Variants in NUBPL observed in about 807,000 individuals in gnomAD.
NUBPL encodes the protein iron-sulfur cluster transfer protein NUBPL.
A neutral mutation model predicts 45.7 loss-of-function variants in NUBPL; 31 were observed. That is an observed-to-expected ratio of 0.68 (90% CI 0.51 to 0.92). The LOEUF (loss-of-function observed/expected upper bound fraction) is 0.92. NUBPL is among the 40% of genes least tolerant of loss of function. The pLI is 0.00. For missense variants in NUBPL, 401 were observed against 398.7 expected, an observed-to-expected ratio of 1.01 and a Z score of -0.05; for synonymous variants, 144 against 140.9, an observed-to-expected ratio of 1.02 and a Z score of -0.15.
intron 6 of NUBPL, among the ~76,000 whole-genome samples, chr14:31,783,544 G>A (rs2039230706): frequency 7.4e-6 from 1 of 136,052 alleles, no homozygotes; most frequent in Non-Finnish European, 1.5e-5. Flanking sequence ...CTCTGAGACA[G>A]AGTCTTGCTG....
chr14:31,673,259 A>G lies in NUBPL; in HGVS notation c.383-96A>G, dbSNP rs1566491996. The G allele has an allele frequency of 1.8e-5, 19 of 1,057,574 alleles. No individual in the cohort carries two copies. In the East Asian group the frequency reaches 4.9e-4, roughly 27 times the overall value. The allele number at this position is 1,057,574 out of a possible 1,614,324, so 65.5% of individuals were successfully genotyped here. A position where few individuals can be genotyped will look rare whatever the true frequency, so the allele number is the denominator to read the frequency against. ...TAAACATATGCAATTTTTGTTAATT[A>G]AAAAAATTTTTAAAAAGATGAAAAA... On this transcript the variant is annotated intron_variant, in intron 4 of 10. Transcript: ENST00000281081.
chr14:31,722,090 G>A (rs1328006257), intron 6 of NUBPL, among the ~76,000 whole-genome samples: 1 of 152,116 alleles, frequency 6.6e-6, no homozygotes, highest in Non-Finnish European at 1.5e-5. Flanking sequence ...TCCACCTCCT[G>A]GGTTCACGCC....
intron 7 of NUBPL, among the ~76,000 whole-genome samples, chr14:31,806,863 C>T (rs879158115): frequency 1.3e-5 from 2 of 152,308 alleles, no homozygotes; most frequent in South Asian, 4.1e-4. Context: ...TCAGTGAGAA[C>T]ATGCAGTGTT....
chr14:31,711,218 C>A (rs145190405), intron 6 of NUBPL, among the ~76,000 whole-genome samples: 1 of 152,106 alleles, frequency 6.6e-6, no homozygotes, highest in Admixed American at 6.5e-5. Context: ...ACCCTTGGCT[C>A]GGCCCAGAAG....
intron 4 of NUBPL, among the ~76,000 whole-genome samples, chr14:31,619,439 C>T (rs1172789924): frequency 1.3e-5 from 2 of 152,132 alleles, no homozygotes; most frequent in African/African-American, 4.8e-5. Context: ...TTCCTTTCCA[C>T]GTTTTGTGCT....
At chr14:31,798,396 T>C (rs2039509860) in intron 7 of NUBPL, among the ~76,000 whole-genome samples, 1 of 150,356 alleles carries the variant, frequency 6.7e-6, no homozygotes, top group Non-Finnish European at 1.5e-5. Flanking sequence ...TGTGGGATAG[T>C]AGTGTGCATG....
chr14:31,689,353 A>G (rs2037040556), intron 6 of NUBPL, among the ~76,000 whole-genome samples: 1 of 152,152 alleles, frequency 6.6e-6, no homozygotes, highest in Non-Finnish European at 1.5e-5. Context: ...ACATTTTAAT[A>G]ATAGCCATTC....
At position 31,761,715 on chromosome 14, in the gene NUBPL, T is replaced by G. The variant is rs151319204; in HGVS notation, c.514-26065T>G. 2.4e-3 allele frequency among the ~76,000 whole-genome samples: 362 copies of G among 152,312 alleles called. 2 individuals are homozygous for G. Among genetic ancestry groups the G allele is most frequent in the African/African-American group, 8.6e-3 (356 of 41,584 alleles). On this transcript the variant is annotated intron_variant, in intron 6 of 10. Coordinates refer to ENST00000281081, the MANE Select transcript of NUBPL (RefSeq NM_025152.3). ...TGTTTATTGGCTTACTAGTATTTCG[T>G]AGTATTGAGTGACAGTAATTTACTT...
At chr14:31,657,982 G>T (rs1232189968) in intron 4 of NUBPL, among the ~76,000 whole-genome samples, 2 of 152,150 alleles carry the variant, frequency 1.3e-5, no homozygotes, top group Non-Finnish European at 2.9e-5. Context: ...TAAACAGAAA[G>T]ATTGAGAATA....
intron 4 of NUBPL, among the ~76,000 whole-genome samples, chr14:31,626,156 T>C (rs1255315031): frequency 1.7e-5 from 2 of 118,356 alleles, no homozygotes; most frequent in Non-Finnish European, 3.0e-5. Context: ...TTTATCTTAT[T>C]TTATTTTATT....
rs749942385 is a variant in NUBPL, at chr14:31,561,415, A to G, written c.-25A>G. 5.6e-5 allele frequency: 74 copies of G among 1,314,552 alleles called. No homozygotes were observed. The highest frequency in any genetic ancestry group is 2.0e-4 in the Middle Eastern group (1 of 5,038). 81.4% of individuals were successfully genotyped at this position (1,314,552 alleles called of 1,614,324 possible). On this transcript the variant is annotated 5_prime_UTR_variant, in exon 1 of 11. Transcript: ENST00000281081. The stretch of plus-strand genomic sequence containing the variant: ...GCGCCACCCGCGACAGTTTCCCAGC[A>G]GGGCTCACAGCAGCGTTCCGCGTCA...
At chr14:31,769,058 C>T (rs553038829) in intron 6 of NUBPL, among the ~76,000 whole-genome samples, 27 of 152,128 alleles carry the variant, frequency 1.8e-4, no homozygotes, top group African/African-American at 6.3e-4. Flanking sequence ...GGGAGTGGGC[C>T]GATACAGAGT....
intron 4 of NUBPL, among the ~76,000 whole-genome samples, chr14:31,613,209 C>T (rs536966417): frequency 2.0e-5 from 3 of 152,250 alleles, no homozygotes; most frequent in African/African-American, 7.2e-5. Flanking sequence ...ATAAACATTG[C>T]ATATTCTCAC....
At chr14:31,728,387 G>C (rs1203959816) in intron 6 of NUBPL, among the ~76,000 whole-genome samples, 1 of 152,050 alleles carries the variant, frequency 6.6e-6, no homozygotes, top group Non-Finnish European at 1.5e-5. Context: ...TCCTACCTCA[G>C]CTTCCCAAAG....
At chr14:31,608,256 G>A (rs1213249803) in intron 4 of NUBPL, among the ~76,000 whole-genome samples, 2 of 152,090 alleles carry the variant, frequency 1.3e-5, no homozygotes, top group African/African-American at 4.8e-5. Context: ...TACTTCATCA[G>A]AAAGAAAAGG....
At chr14:31,757,790 G>C (rs1453944340) in intron 6 of NUBPL, among the ~76,000 whole-genome samples, 1 of 152,048 alleles carries the variant, frequency 6.6e-6, no homozygotes, top group Non-Finnish European at 1.5e-5. Context: ...CATGTGCTTA[G>C]ATCATAACTC....
intron 4 of NUBPL, among the ~76,000 whole-genome samples, chr14:31,599,810 C>G (rs1364697557): frequency 6.6e-6 from 1 of 152,108 alleles, no homozygotes; most frequent in Non-Finnish European, 1.5e-5. Context: ...TAAGGAGCAT[C>G]TCTTACCATC....
At chr14:31,843,746 G>A (rs1198656591) in intron 8 of NUBPL, 1 of 152,236 alleles carries the variant, frequency 6.6e-6, no homozygotes, top group Non-Finnish European at 1.5e-5. Flanking sequence ...CAGTCACTCT[G>A]TAGCTTTAAG....
At chr14:31,779,262 C>T (rs1045822673) in intron 6 of NUBPL, among the ~76,000 whole-genome samples, 21 of 151,802 alleles carry the variant, frequency 1.4e-4, no homozygotes, top group Middle Eastern at 3.4e-3. Context: ...CTCTTGAACC[C>T]GGGAGGCGGA....
Sources: allele counts gnomAD v4.1 joint callset (sites outside exome capture counted in the v4.1 genomes callset), GRCh38; gene constraint gnomAD v4.1.1; transcripts MANE v1.5; gene names NCBI Gene and HGNC (gene_info 2026-07-23, HGNC 2026-07-21).